AFAP1L2: variants seen among roughly 807,000 people sequenced by gnomAD.
The protein encoded by AFAP1L2 is actin filament-associated protein 1-like 2.
In AFAP1L2, 46 loss-of-function variants were observed where a neutral mutation model predicts 99.3. The ratio of observed to expected loss-of-function variants is 0.46; its 90% CI spans 0.37 to 0.59. AFAP1L2 has a LOEUF of 0.59. Among genes scored for constraint, AFAP1L2 ranks in the 20% least tolerant of loss-of-function variants. The probability of loss-of-function intolerance (pLI) is 0.00; values close to 1 mark genes in which losing one functional copy is unlikely to be tolerated. For synonymous variants in AFAP1L2, 397 were observed against 419.1 expected (o/e 0.95, Z 0.64); for missense variants, 959 against 1,034.9 (o/e 0.93, Z 1.01).
chr10:114,294,788 G>A, downstream of AFAP1L2: 3 of 974,670 alleles, frequency 3.1e-6, no homozygotes, highest in Non-Finnish European at 3.7e-6. Context: ...AACCCCCCAG[G>A]CCCTGCCCCA....
intron 1 of AFAP1L2, among the ~76,000 whole-genome samples, chr10:114,351,689 C>A (rs571562696): frequency 6.6e-6 from 1 of 152,334 alleles, no homozygotes; most frequent in South Asian, 2.1e-4. Flanking sequence ...CACCCCCCTG[C>A]CCCAAGCCTC....
At position 114,372,732 on chromosome 10, in the gene AFAP1L2, ATCT is replaced by A. The variant is rs2054286877; in HGVS notation, c.16+31705_16+31707del. On this transcript the variant is annotated intron_variant, in intron 1 of 18. Coordinates refer to ENST00000304129, the MANE Select transcript of AFAP1L2 (RefSeq NM_001001936.3). ...AACATATGCAATGAAAATTTCCCCC[ATCT>A]TAAAACCCTCCCAGTGTCAGCCCCT... Among the ~76,000 whole-genome samples, 3 of 152,192 alleles carry A rather than the reference ATCT, an allele frequency of 2.0e-5. No homozygotes were observed. The South Asian group carries it at 6.2e-4, about 32-fold the overall frequency.
chr10:114,352,310 T>G (rs1388334358), intron 1 of AFAP1L2, among the ~76,000 whole-genome samples: 1 of 151,484 alleles, frequency 6.6e-6, no homozygotes, highest in African/African-American at 2.4e-5. Flanking sequence ...CCGTCTCTAC[T>G]AAAAATACAA....
At chr10:114,376,913 C>T (rs2054883086) in intron 1 of AFAP1L2, among the ~76,000 whole-genome samples, 1 of 152,076 alleles carries the variant, frequency 6.6e-6, no homozygotes, top group East Asian at 1.9e-4. Flanking sequence ...AGTCACCACC[C>T]ACAGAGCCAT....
downstream of AFAP1L2, chr10:114,290,330 G>A: frequency 6.4e-7 from 1 of 1,550,636 alleles, no homozygotes; most frequent in Non-Finnish European, 8.7e-7. Flanking sequence ...CGCTGCAAGT[G>A]TCGGGATGGC....
intron 1 of AFAP1L2, among the ~76,000 whole-genome samples, chr10:114,375,164 G>A (rs756513298): frequency 1.6e-4 from 25 of 152,008 alleles, no homozygotes; most frequent in African/African-American, 3.6e-4. Flanking sequence ...ATTTCATGAC[G>A]CATGAAAATT....
chr10:114,371,545 C>T (rs1378492860), intron 1 of AFAP1L2, among the ~76,000 whole-genome samples: 1 of 151,454 alleles, frequency 6.6e-6, no homozygotes, highest in Non-Finnish European at 1.5e-5. Context: ...AAAACAAATA[C>T]AAATAAAAAC....
In AFAP1L2 at chr10:114,365,511, G is replaced by C. The variant is rs1239222702; in HGVS notation, c.17-24780C>G. ...TAGAAACAAATAATATCTAGGATCA[G>C]GTTGAGAAAGATAATCTTTATCCTG... On this transcript the variant is annotated intron_variant, in intron 1 of 18. Transcript: ENST00000304129. 3.3e-5 allele frequency among the ~76,000 whole-genome samples: 5 copies of C among 152,084 alleles called. No homozygotes were observed. The South Asian group carries it at 1.0e-3, about 32-fold the overall frequency.
At chr10:114,362,419 G>C (rs1318897689) in intron 1 of AFAP1L2, among the ~76,000 whole-genome samples, 17 of 152,210 alleles carry the variant, frequency 1.1e-4, no homozygotes, top group Admixed American at 1.1e-3. Context: ...GTCCTTGTAA[G>C]AGGAAGAAGA....
intron 18 of AFAP1L2, 44 bp downstream of exon 18, chr10:114,296,934 G>A (rs1429759585): frequency 3.1e-6 from 5 of 1,613,562 alleles, no homozygotes; most frequent in Non-Finnish European, 4.2e-6. Context: ...CTACCTTAGT[G>A]ACATTTCTGC....
intron 1 of AFAP1L2, among the ~76,000 whole-genome samples, chr10:114,378,247 C>G (rs568212573): frequency 6.6e-6 from 1 of 152,190 alleles, no homozygotes; most frequent in Non-Finnish European, 1.5e-5. Context: ...TGTATTGACA[C>G]AAGAAATTGA....
At position 114,300,555 on chromosome 10, in the gene AFAP1L2, GGGA is replaced by G. The variant is rs778784156; in HGVS notation, c.1675_1677del (p.Ser559del). On this transcript the variant is annotated inframe_deletion, in exon 14 of 19. Transcript: ENST00000304129. ...GCATTGTCCAGGCAGGACAACGTCG[GGGA>G]GGAGGCCTGGGCCTGTGCACTGCTG... 4 of 1,614,168 alleles carry G rather than the reference GGGA, an allele frequency of 2.5e-6. No homozygotes were observed. Among genetic ancestry groups the G allele is most frequent in the Non-Finnish European group, 8.5e-7 (1 of 1,180,006 alleles).
chr10:114,318,759 G>GAAAAAAAGAAAAAAAAAA lies in AFAP1L2; in HGVS notation c.407-2995_407-2994insTTTTTTTTTTCTTTTTTT, dbSNP rs1554894566. 5.0e-5 allele frequency among the ~76,000 whole-genome samples: 6 copies of GAAAAAAAGAAAAAAAAAA among 119,730 alleles called. No homozygotes were observed. The East Asian group carries it at 6.9e-4, about 14-fold the overall frequency. The allele number at this position is 119,730 out of a possible 152,430, so 78.5% of individuals were successfully genotyped here. A position where few individuals can be genotyped will look rare whatever the true frequency, so the allele number is the denominator to read the frequency against. On this transcript the variant is annotated intron_variant, in intron 5 of 18. Coordinates refer to ENST00000304129, the MANE Select transcript of AFAP1L2 (RefSeq NM_001001936.3). ...CTGTCTAAAAAAAAGAAAAAAAAAAGAACAACAAATCATACTCCTGGAGTA... is the reference window on the plus strand; with the variant it reads ...CTGTCTAAAAAAAAGAAAAAAAAAAGAAAAAAAGAAAAAAAAAAAACAACAAATCATACTCCTGGAGTA...
At chr10:114,326,172 TG>T in intron 4 of AFAP1L2, 1 of 589,818 alleles carries the variant, frequency 1.7e-6, no homozygotes, top group Non-Finnish European at 2.5e-6. Flanking sequence ...GTTTTGTGAG[TG>T]TCTCCTAAGC....
intron 1 of AFAP1L2, among the ~76,000 whole-genome samples, chr10:114,371,867 G>C (rs2054159442): frequency 2.1e-5 from 3 of 145,610 alleles, no homozygotes; most frequent in Non-Finnish European, 3.0e-5. Context: ...TTTTGGGGGG[G>C]TGGCGGGGGA....
intron 13 of AFAP1L2, among the ~76,000 whole-genome samples, chr10:114,300,916 A>C (rs2041053698): frequency 6.6e-6 from 1 of 152,160 alleles, no homozygotes; most frequent in South Asian, 2.1e-4. Context: ...ATCTGTAAAG[A>C]GGAAAAGAGC....
chr10:114,404,563 G>C, upstream of AFAP1L2: 1 of 1,372,954 alleles, frequency 7.3e-7, no homozygotes, highest in Non-Finnish European at 9.3e-7. Context: ...GGTCACGCTC[G>C]CGGCCGGACC....
chr10:114,340,981 C>CG, intron 1 of AFAP1L2: 1 of 558,648 alleles, frequency 1.8e-6, no homozygotes, highest in Non-Finnish European at 3.2e-6. Flanking sequence ...CCAGCCCTAC[C>CG]AGGTGCTGGA....
At chr10:114,350,916 G>A (rs555407304) in intron 1 of AFAP1L2, among the ~76,000 whole-genome samples, 1 of 152,178 alleles carries the variant, frequency 6.6e-6, no homozygotes, top group Non-Finnish European at 1.5e-5. Context: ...TTTGGGTCCC[G>A]GGAGGCCTTT....
Sources: gnomAD v4.1 joint callset for allele counts (sites outside exome capture counted in the v4.1 genomes callset) on GRCh38, gnomAD v4.1.1 for gene constraint, MANE v1.5 for transcripts, NCBI Gene and HGNC (gene_info 2026-07-23, HGNC 2026-07-21) for gene names.